Variants in PDE4D observed in about 807,000 individuals in gnomAD.
PDE4D encodes the protein 3',5'-cyclic-AMP phosphodiesterase 4D.
A neutral mutation model predicts 87.4 loss-of-function variants in PDE4D; 24 were observed. That is an observed-to-expected ratio of 0.27 (90% confidence interval 0.20 to 0.39). The LOEUF (loss-of-function observed/expected upper bound fraction) is 0.39. PDE4D is among the 10% of genes least tolerant of loss of function. The pLI, the probability that PDE4D is intolerant of heterozygous loss-of-function variation, is 1.00. For missense variants in PDE4D, 714 were observed against 1,041.0 expected, an observed-to-expected ratio of 0.69 and a Z score of 4.32; for synonymous variants, 384 against 383.2, an observed-to-expected ratio of 1.00 and a Z score of -0.02.
chr5:59,478,040 A>G (rs1803619090), intron 1 of PDE4D, among the ~76,000 whole-genome samples: 1 of 151,900 alleles, frequency 6.6e-6, no homozygotes, highest in African/African-American at 2.4e-5. Context: ...GCAGACTACT[A>G]GAAGGGGAAG....
rs78450600 is a variant in PDE4D, at chr5:59,846,723, G to A, written c.455+46445C>T. Among the ~76,000 whole-genome samples the A allele has an allele frequency of 5.8e-3, 883 of 151,980 alleles. 7 individuals carry two copies. The highest frequency in any genetic ancestry group is 0.02 in the African/African-American group (837 of 41,462). On this transcript the variant is annotated intron_variant, in intron 1 of 14. Transcript: ENST00000340635. ...AGTAGAGAGCTCCTGGGCCTGCAGCGGACAAGTAGGGTGCAAAGGCTGAAA... is the reference window on the plus strand; with the variant it reads ...AGTAGAGAGCTCCTGGGCCTGCAGCAGACAAGTAGGGTGCAAAGGCTGAAA...
At chr5:59,587,416 T>A in intron 1 of PDE4D, 1 of 981,898 alleles carries the variant, frequency 1.0e-6, no homozygotes, top group Non-Finnish European at 1.2e-6. Flanking sequence ...TGCTCTGACA[T>A]CTTCTGAAAG....
chr5:59,442,557 C>G (rs1205484599), intron 1 of PDE4D, among the ~76,000 whole-genome samples: 2 of 152,142 alleles, frequency 1.3e-5, no homozygotes, highest in African/African-American at 4.8e-5. Flanking sequence ...TAAGTTGGTA[C>G]CTTTTTGCCT....
chr5:59,011,648 G>C (rs912181122), intron 6 of PDE4D, among the ~76,000 whole-genome samples: 3 of 152,284 alleles, frequency 2.0e-5, no homozygotes, highest in East Asian at 1.9e-4. Flanking sequence ...AGAAATATGG[G>C]ACTATGTGAA....
intron 3 of PDE4D, among the ~76,000 whole-genome samples, chr5:59,932,967 C>CTGAAAT: frequency 6.6e-6 from 1 of 152,120 alleles, no homozygotes; most frequent in South Asian, 2.1e-4. Flanking sequence ...GGTGAAATCT[C>CTGAAAT]CCTTTTCTGG....
chr5:59,429,602 G>C (rs1024564005), intron 1 of PDE4D, among the ~76,000 whole-genome samples: 3 of 152,128 alleles, frequency 2.0e-5, no homozygotes, highest in African/African-American at 7.2e-5. Flanking sequence ...AAATTAGGGA[G>C]AAATGGAATT....
intron 2 of PDE4D, chr5:60,147,604 A>G: frequency 8.0e-6 from 2 of 251,180 alleles, no homozygotes; most frequent in South Asian, 7.1e-5. Flanking sequence ...AGCAACAAAT[A>G]TCTCTTACCT....
At chr5:60,070,575 T>C (rs1440103675) in intron 2 of PDE4D, among the ~76,000 whole-genome samples, 4 of 152,084 alleles carry the variant, frequency 2.6e-5, no homozygotes, top group African/African-American at 9.7e-5. Flanking sequence ...CCCCTTAATG[T>C]GCTCTTGGAT....
At chr5:60,308,792 C>T (rs1301902992) in intron 1 of PDE4D, among the ~76,000 whole-genome samples, 1 of 152,116 alleles carries the variant, frequency 6.6e-6, no homozygotes, top group Non-Finnish European at 1.5e-5. Flanking sequence ...AACAAATGCC[C>T]CAAGACTGAG....
At chr5:59,356,780 A>G (rs764338642) in intron 1 of PDE4D, 5 of 1,568,540 alleles carry the variant, frequency 3.2e-6, no homozygotes, top group East Asian at 2.3e-5. Context: ...GAGAAACGCA[A>G]TCTTGATTTG....
chr5:59,199,098 G>T (rs1194269333), intron 2 of PDE4D, among the ~76,000 whole-genome samples: 1 of 152,108 alleles, frequency 6.6e-6, no homozygotes, highest in Non-Finnish European at 1.5e-5. Flanking sequence ...TTACTTTATG[G>T]AGCAAAGACC....
intron 1 of PDE4D, among the ~76,000 whole-genome samples, chr5:59,259,369 T>C (rs1038091513): frequency 3.3e-5 from 5 of 151,938 alleles, no homozygotes; most frequent in South Asian, 2.1e-4. Flanking sequence ...GTACATATTG[T>C]TGGCAATTCC....
At chr5:60,141,403 T>C (rs2149419959) in intron 2 of PDE4D, among the ~76,000 whole-genome samples, 1 of 152,208 alleles carries the variant, frequency 6.6e-6, no homozygotes, top group Admixed American at 6.5e-5. Flanking sequence ...GAAGGAAACT[T>C]CCAGCAACAG....
At chr5:60,267,918 T>G (rs1750388051) in intron 1 of PDE4D, among the ~76,000 whole-genome samples, 1 of 152,194 alleles carries the variant, frequency 6.6e-6, no homozygotes, top group Admixed American at 6.5e-5. Flanking sequence ...CTCTTCCACG[T>G]TCATTCCCAG....
chr5:60,035,896 A>G (rs967243615), intron 2 of PDE4D, among the ~76,000 whole-genome samples: 4 of 152,312 alleles, frequency 2.6e-5, no homozygotes, highest in African/African-American at 9.6e-5. Flanking sequence ...TTCCTTTGCT[A>G]CTAGTGCCAC....
At chr5:59,487,817 T>C (rs1438129933) in intron 1 of PDE4D, among the ~76,000 whole-genome samples, 2 of 152,206 alleles carry the variant, frequency 1.3e-5, no homozygotes, top group African/African-American at 4.8e-5. Flanking sequence ...AGCTCCCTTC[T>C]AGCACTGAAA....
At chr5:59,303,069 T>C (rs1770587436) in intron 1 of PDE4D, among the ~76,000 whole-genome samples, 1 of 152,140 alleles carries the variant, frequency 6.6e-6, no homozygotes, top group Non-Finnish European at 1.5e-5. Flanking sequence ...ATTTTTTTAT[T>C]ATGGCCATTC....
intron 1 of PDE4D, among the ~76,000 whole-genome samples, chr5:60,269,120 A>G (rs1750551472): frequency 6.6e-6 from 1 of 152,186 alleles, no homozygotes; most frequent in Non-Finnish European, 1.5e-5. Flanking sequence ...CCTGGCCAAC[A>G]TGGTGAAACC....
intron 2 of PDE4D, among the ~76,000 whole-genome samples, chr5:60,154,275 A>G (rs1247033146): frequency 9.2e-6 from 1 of 109,136 alleles, no homozygotes; most frequent in African/African-American, 3.5e-5. Context: ...AAAAAATTCT[A>G]TTAACTTCTT....
Sources: gnomAD v4.1 joint callset for allele counts (sites outside exome capture counted in the v4.1 genomes callset) on GRCh38, gnomAD v4.1.1 for gene constraint, MANE v1.5 for transcripts, NCBI Gene and HGNC (gene_info 2026-07-23, HGNC 2026-07-21) for gene names.